LCOR: variants seen among roughly 807,000 people sequenced by gnomAD.
LCOR encodes the protein ligand dependent nuclear receptor corepressor.
In LCOR, 14 loss-of-function variants were observed where a neutral mutation model predicts 64.4. The ratio of observed to expected loss-of-function variants is 0.22; its 90% CI spans 0.14 to 0.34. The LOEUF (loss-of-function observed/expected upper bound fraction) is 0.34, where lower values mean the gene tolerates loss of function less well. Ranked by LOEUF, LCOR falls within the 10% of genes least tolerant of loss-of-function variation. LCOR has a pLI of 1.00. For synonymous variants in LCOR, 643 were observed against 642.5 expected (o/e 1.00, Z -0.01); for missense variants, 1,686 against 1,765.3 (o/e 0.96, Z 0.80).
At chr10:96,832,657 T>A (rs1189950796) in intron 1 of LCOR, among the ~76,000 whole-genome samples, 14 of 147,760 alleles carry the variant, frequency 9.5e-5, no homozygotes, top group Admixed American at 1.3e-4. Flanking sequence ...GAGCGCGGGT[T>A]CCTCCCCCTC....
intron 7 of LCOR, chr10:96,956,667 G>C: frequency 1.0e-6 from 1 of 985,832 alleles, no homozygotes; most frequent in Non-Finnish European, 1.2e-6. Context: ...TTTCATTTGA[G>C]ATTTTCTAAG....
chr10:96,862,550 A>G (rs917629793), intron 2 of LCOR, among the ~76,000 whole-genome samples: 4 of 152,124 alleles, frequency 2.6e-5, no homozygotes, highest in Admixed American at 2.6e-4. Flanking sequence ...ACAGGCATGC[A>G]TCACCAAGTC....
rs183406159 is a variant in LCOR at position 96,915,186 on chromosome 10, A to G, written c.-184+7439A>G. On this transcript the variant is annotated intron_variant, in intron 4 of 7. Transcript: ENST00000421806. ...TATGCCCCTTCCCCCAAAAACGACAATGAAGTATTCTGTGTGCTCACAGCA... is the reference window on the plus strand; with the variant it reads ...TATGCCCCTTCCCCCAAAAACGACAGTGAAGTATTCTGTGTGCTCACAGCA... Among the ~76,000 whole-genome samples the G allele has an allele frequency of 2.9e-4, 44 of 152,282 alleles. 1 individual carries two copies. Among genetic ancestry groups the G allele is most frequent in the African/African-American group, 9.4e-4 (39 of 41,550 alleles).
chr10:96,949,351 GAAA>G, intron 6 of LCOR, 56 bp downstream of exon 6: 2 of 1,313,944 alleles, frequency 1.5e-6, no homozygotes, highest in Non-Finnish European at 2.1e-6. Flanking sequence ...ACTTTGGGGA[GAAA>G]AAAAAAAGCA....
At chr10:96,913,558 T>C (rs1846883938) in intron 4 of LCOR, among the ~76,000 whole-genome samples, 1 of 152,234 alleles carries the variant, frequency 6.6e-6, no homozygotes, top group Non-Finnish European at 1.5e-5. Flanking sequence ...AAAATTAGTT[T>C]ATGCACTTAG....
intron 4 of LCOR, among the ~76,000 whole-genome samples, chr10:96,917,987 G>A (rs1335469648): frequency 6.6e-6 from 1 of 152,138 alleles, no homozygotes; most frequent in African/African-American, 2.4e-5. Context: ...ACATTTAATT[G>A]GAAGTGTCCA....
At chr10:96,941,208 C>A (rs1847462394) in intron 4 of LCOR, among the ~76,000 whole-genome samples, 27 of 141,438 alleles carry the variant, frequency 1.9e-4, no homozygotes, top group South Asian at 4.4e-4. Context: ...CCACCTCCCT[C>A]CCGGACGGGG....
Position 96,955,917 on chromosome 10 carries a change from G to A in LCOR, c.332+3721G>A, listed in dbSNP as rs899419073. 29 of 1,611,888 alleles carry A rather than the reference G, an allele frequency of 1.8e-5. No individual in the cohort carries two copies. The South Asian group carries it at 2.2e-4, about 12-fold the overall frequency. On this transcript the variant is annotated intron_variant, in intron 7 of 7. Coordinates refer to ENST00000421806, the MANE Select transcript of LCOR (RefSeq NM_001346516.2). ...ACAAAGTGCAAATGAATCAAAAAAC[G>A]AGTAGGAATACTGTAGAGTGCCAAT...
At chr10:96,920,697 T>C (rs1352802760) in intron 4 of LCOR, among the ~76,000 whole-genome samples, 3 of 136,276 alleles carry the variant, frequency 2.2e-5, no homozygotes, top group African/African-American at 3.5e-5. Context: ...TGTATATATG[T>C]TCATATATGT....
intron 2 of LCOR, among the ~76,000 whole-genome samples, chr10:96,854,508 G>A (rs556234455): frequency 6.6e-6 from 1 of 152,234 alleles, no homozygotes; most frequent in African/African-American, 2.4e-5. Flanking sequence ...TGTATTTTTA[G>A]TAGAGATGGG....
At chr10:96,913,111 A>G (rs1370455822) in intron 4 of LCOR, among the ~76,000 whole-genome samples, 1 of 150,758 alleles carries the variant, frequency 6.6e-6, no homozygotes, top group African/African-American at 2.4e-5. Context: ...CTTAACATGT[A>G]CTTTCCCTGT....
chr10:96,952,586 C>T (rs1847700269), intron 7 of LCOR, among the ~76,000 whole-genome samples: 1 of 150,012 alleles, frequency 6.7e-6, no homozygotes, highest in Non-Finnish European at 1.5e-5. Flanking sequence ...TGTGTGTGTT[C>T]ATTTTTGTTT....
Position 96,866,788 on chromosome 10 carries a change from C to T in LCOR, c.-330+33309C>T, listed in dbSNP as rs560139593. 7.9e-5 allele frequency among the ~76,000 whole-genome samples: 12 copies of T among 152,194 alleles called. No homozygotes were observed. In the East Asian group the frequency reaches 2.1e-3, roughly 27 times the overall value. On this transcript the variant is annotated intron_variant, in intron 2 of 7. Coordinates refer to ENST00000421806, the MANE Select transcript of LCOR (RefSeq NM_001346516.2). ...ACGGGGTTTTACTAAGTTGGCCAGG[C>T]TGGTCTCGAACTCCTGACCTCAGGT... is the stretch of plus-strand genomic sequence containing the variant.
intron 4 of LCOR, among the ~76,000 whole-genome samples, chr10:96,920,082 C>T (rs1218515124): frequency 6.6e-6 from 1 of 152,042 alleles, no homozygotes; most frequent in Non-Finnish European, 1.5e-5. Flanking sequence ...TTTGCCACAT[C>T]AGCTGCATCA....
intron 7 of LCOR, chr10:96,964,049 G>C (rs569419798): frequency 6.6e-6 from 1 of 152,166 alleles, no homozygotes; most frequent in East Asian, 1.9e-4. Context: ...TTTGTACTGT[G>C]TGATTTGAAC....
intron 7 of LCOR, among the ~76,000 whole-genome samples, chr10:96,979,327 T>C (rs1848062760): frequency 1.3e-5 from 2 of 152,192 alleles, no homozygotes; most frequent in South Asian, 4.1e-4. Flanking sequence ...TAAAAAATTA[T>C]ATAAAACTCC....
At position 96,991,529 on chromosome 10, in the gene LCOR, ATG is replaced by A. The variant is rs1201563163; in HGVS notation, c.*6399_*6400del. ...TAGTGCCTCTCCCTGAAAGTATGCG[ATG>A]TGTTGGTTTTACCCCTAGAACCCTT... On this transcript the variant is annotated 3_prime_UTR_variant, in exon 8 of 8. Transcript: ENST00000421806. 1 of 152,212 alleles carries A rather than the reference ATG, an allele frequency of 6.6e-6. No homozygotes were observed. Among genetic ancestry groups the A allele is most frequent in the Non-Finnish European group, 1.5e-5 (1 of 68,034 alleles). The allele number at this position is 152,212 out of a possible 1,614,324, so 9.4% of individuals were successfully genotyped here. A position where few individuals can be genotyped will look rare whatever the true frequency, so the allele number is the denominator to read the frequency against.
At chr10:96,870,529 A>AT (rs1846055517) in intron 2 of LCOR, among the ~76,000 whole-genome samples, 1 of 152,206 alleles carries the variant, frequency 6.6e-6, no homozygotes, top group South Asian at 2.1e-4. Context: ...CTCAGATCTC[A>AT]TAGACTCTTC....
chr10:96,916,585 G>A (rs1253296089), intron 4 of LCOR, among the ~76,000 whole-genome samples: 9 of 132,212 alleles, frequency 6.8e-5, no homozygotes, highest in African/African-American at 2.9e-4. Flanking sequence ...GATATTTAAA[G>A]GCTATATATA....
Sources: gnomAD v4.1 joint callset for allele counts (sites outside exome capture counted in the v4.1 genomes callset) on GRCh38, gnomAD v4.1.1 for gene constraint, MANE v1.5 for transcripts, NCBI Gene and HGNC (gene_info 2026-07-23, HGNC 2026-07-21) for gene names.